Variants in UNC13C observed in about 807,000 individuals in gnomAD.
UNC13C encodes the protein protein unc-13 homolog C.
A neutral mutation model predicts 245.4 loss-of-function variants in UNC13C; 174 were observed. The ratio of observed to expected loss-of-function variants is 0.71; its 90% CI spans 0.63 to 0.80. The LOEUF is 0.80. UNC13C is among the 30% of genes least tolerant of loss of function. The probability of loss-of-function intolerance (pLI) is 0.00; values close to 1 mark genes in which losing one functional copy is unlikely to be tolerated. For missense variants in UNC13C, 2,829 were observed against 2,602.9 expected, an observed-to-expected ratio of 1.09 and a Z score of -1.89; for synonymous variants, 992 against 895.1, an observed-to-expected ratio of 1.11 and a Z score of -1.93.
In UNC13C at chr15:54,401,603, C is replaced by T. The variant is rs111496165; in HGVS notation, c.4847+8422C>T. 7.2e-5 allele frequency among the ~76,000 whole-genome samples: 11 copies of T among 152,150 alleles called. 2 individuals carry two copies. The highest frequency in any genetic ancestry group is 2.7e-4 in the African/African-American group (11 of 41,472). On this transcript the variant is annotated intron_variant, in intron 18 of 32. Coordinates refer to ENST00000260323, the MANE Select transcript of UNC13C (RefSeq NM_001080534.3). ...AGTCAGAATGAAGTATAAACAGGAACGAAGATCGCGTCGAGAGAGAAGAAG... is the reference window on the plus strand; with the variant it reads ...AGTCAGAATGAAGTATAAACAGGAATGAAGATCGCGTCGAGAGAGAAGAAG...
At chr15:54,142,773 C>T (rs1229144099) in intron 2 of UNC13C, among the ~76,000 whole-genome samples, 2 of 152,196 alleles carry the variant, frequency 1.3e-5, no homozygotes, top group Non-Finnish European at 2.9e-5. Context: ...CTTAATATAA[C>T]ACATTGTCTT....
intron 19 of UNC13C, among the ~76,000 whole-genome samples, chr15:54,415,733 A>G (rs987352374): frequency 1.3e-5 from 2 of 152,094 alleles, no homozygotes; most frequent in South Asian, 2.1e-4. Flanking sequence ...GGTGCACTGG[A>G]TGTAGGGGAT....
the UNC13C span, among the ~76,000 whole-genome samples, chr15:53,876,331 C>G: frequency 6.6e-6 from 1 of 152,106 alleles, no homozygotes; most frequent in Non-Finnish European, 1.5e-5. Context: ...CAGCTGAGCC[C>G]TTCTCAAAAT....
At chr15:54,198,445 C>T (rs1008763134) in intron 4 of UNC13C, among the ~76,000 whole-genome samples, 6 of 152,130 alleles carry the variant, frequency 3.9e-5, no homozygotes, top group Admixed American at 3.3e-4. Flanking sequence ...CAAGGATCCT[C>T]ACAGTGTCCA....
intron 8 of UNC13C, among the ~76,000 whole-genome samples, chr15:54,262,609 C>CA (rs2036454270): frequency 6.6e-6 from 1 of 152,160 alleles, no homozygotes; most frequent in Non-Finnish European, 1.5e-5. Context: ...ATTCTAGGGA[C>CA]ATGTTTCAAC....
chr15:53,894,321 G>A, the UNC13C span, among the ~76,000 whole-genome samples: 1 of 152,150 alleles, frequency 6.6e-6, no homozygotes, highest in Non-Finnish European at 1.5e-5. Context: ...ATTTCTTAAT[G>A]GCTTAATAAT....
chr15:53,900,866 C>T, the UNC13C span, among the ~76,000 whole-genome samples: 2 of 152,288 alleles, frequency 1.3e-5, no homozygotes, highest in Non-Finnish European at 2.9e-5. Flanking sequence ...ATAGGCACTT[C>T]ATGCTCCCTG....
intron 13 of UNC13C, among the ~76,000 whole-genome samples, chr15:54,304,651 A>G (rs1297710582): frequency 1.8e-5 from 2 of 113,802 alleles, no homozygotes; most frequent in Non-Finnish European, 1.9e-5. Context: ...TTGAGATGTA[A>G]CTAAAAAAAA....
intron 10 of UNC13C, among the ~76,000 whole-genome samples, chr15:54,290,422 A>G (rs533257155): frequency 6.6e-6 from 1 of 152,140 alleles, no homozygotes; most frequent in African/African-American, 2.4e-5. Context: ...TGAAAAAAAC[A>G]GTCAACCAGA....
chr15:54,142,692 C>G (rs1292826985), intron 2 of UNC13C, among the ~76,000 whole-genome samples: 1 of 152,108 alleles, frequency 6.6e-6, no homozygotes, highest in Non-Finnish European at 1.5e-5. Context: ...GGTAGCTTAT[C>G]CAATGTGTCT....
At chr15:53,885,330 C>G in the UNC13C span, among the ~76,000 whole-genome samples, 949 of 152,314 alleles carry the variant, frequency 6.2e-3, 10 homozygotes, top group African/African-American at 0.022. Flanking sequence ...TCTTCCAAAG[C>G]AAGCCATTAA....
chr15:54,569,223 C>T (rs1897644812), intron 30 of UNC13C, among the ~76,000 whole-genome samples: 1 of 152,046 alleles, frequency 6.6e-6, no homozygotes, highest in South Asian at 2.1e-4. Context: ...AACACACACT[C>T]ATATACATAT....
At chr15:54,418,690 T>C (rs72734719) in intron 19 of UNC13C, among the ~76,000 whole-genome samples, 6,063 of 152,212 alleles carry the variant, frequency 0.04, 140 homozygotes, top group African/African-American at 0.058. Flanking sequence ...ATATCCTGCA[T>C]ACACTGATGA....
chr15:53,971,975 A>G, the UNC13C span, among the ~76,000 whole-genome samples: 4,512 of 152,238 alleles, frequency 0.03, 246 homozygotes, highest in African/African-American at 0.1. Context: ...AAAATTACCA[A>G]CTGCAAAAAT....
At chr15:54,272,472 G>A (rs1483566614) in intron 10 of UNC13C, among the ~76,000 whole-genome samples, 1 of 152,216 alleles carries the variant, frequency 6.6e-6, no homozygotes, top group African/African-American at 2.4e-5. Context: ...CCTAGGCTAT[G>A]TGGGAAGGGA....
the UNC13C span, among the ~76,000 whole-genome samples, chr15:53,859,634 A>G: frequency 6.6e-6 from 1 of 151,900 alleles, no homozygotes; most frequent in African/African-American, 2.4e-5. Context: ...ACAGGCATAC[A>G]CACACACACA....
chr15:53,999,164 A>G (rs1894771380), intron 1 of UNC13C, among the ~76,000 whole-genome samples: 2 of 151,948 alleles, frequency 1.3e-5, no homozygotes, highest in African/African-American at 4.8e-5. Context: ...GTTTGTTTCA[A>G]ATTAACACAT....
At chr15:54,461,091 T>C (rs1024223024) in intron 19 of UNC13C, among the ~76,000 whole-genome samples, 2 of 152,074 alleles carry the variant, frequency 1.3e-5, no homozygotes, top group Non-Finnish European at 2.9e-5. Flanking sequence ...TTTGACTTAT[T>C]TATAAAATAT....
intron 18 of UNC13C, 27 bp downstream of exon 18, chr15:54,393,208 G>T: frequency 1.3e-6 from 2 of 1,487,436 alleles, no homozygotes; most frequent in South Asian, 2.9e-5. Flanking sequence ...GGAAATGAAT[G>T]GATTTTATTC....
Sources: allele counts gnomAD v4.1 joint callset (sites outside exome capture counted in the v4.1 genomes callset), GRCh38; gene constraint gnomAD v4.1.1; transcripts MANE v1.5; gene names NCBI Gene and HGNC (gene_info 2026-07-23, HGNC 2026-07-21).